Variants in MED12L observed in about 807,000 individuals in gnomAD.
MED12L encodes the protein mediator of RNA polymerase II transcription subunit 12-like protein.
MED12L carries 60 observed loss-of-function variants against 281.3 expected under a neutral mutation model. The ratio of observed to expected loss-of-function variants is 0.21; its 90% CI spans 0.17 to 0.26. The LOEUF is 0.26. MED12L is among the 10% of genes least tolerant of loss of function. MED12L has a pLI of 1.00. For missense variants in MED12L, 2,146 were observed against 2,680.9 expected (o/e 0.80, Z 4.41); for synonymous variants, 974 against 987.2 (o/e 0.99, Z 0.25).
At chr3:151,217,352 C>G (rs1489293992) in intron 16 of MED12L, among the ~76,000 whole-genome samples, 2 of 152,254 alleles carry the variant, frequency 1.3e-5, no homozygotes, top group Non-Finnish European at 2.9e-5. Context: ...TGCTGCAGGT[C>G]CAGAACTCTG....
chr3:151,114,062 C>T (rs906549908), intron 2 of MED12L, among the ~76,000 whole-genome samples: 10 of 152,158 alleles, frequency 6.6e-5, no homozygotes, highest in African/African-American at 2.4e-4. Flanking sequence ...TGCTGGTACT[C>T]CTACTTTCTT....
rs369709197 is a variant in MED12L, at chr3:151,376,675, CAT to C, written c.4054-121_4054-120del. The C allele has an allele frequency of 2.7e-3, 2,103 of 775,674 alleles. 6 individuals carry two copies. The highest frequency in any genetic ancestry group is 3.6e-3 in the Non-Finnish European group (1,699 of 474,062). The allele number at this position is 775,674 out of a possible 1,614,324, so 48.0% of individuals were successfully genotyped here. A position where few individuals can be genotyped will look rare whatever the true frequency, so the allele number is the denominator to read the frequency against. ...CAGCAAGATTGGGAACCTTTTGACTCATATAAATTATTTCATTGTGTATGATT... is the reference window on the plus strand; with the variant it reads ...CAGCAAGATTGGGAACCTTTTGACTCATAAATTATTTCATTGTGTATGATT... On this transcript the variant is annotated intron_variant, in intron 28 of 44. Coordinates refer to ENST00000687756, the MANE Select transcript of MED12L (RefSeq NM_001393769.1).
At chr3:151,166,008 T>C in intron 11 of MED12L, 26 bp downstream of exon 11, 3 of 1,574,110 alleles carry the variant, frequency 1.9e-6, no homozygotes, top group Middle Eastern at 3.4e-4. Context: ...TTAATTCTTT[T>C]CACCTTTTAT....
At chr3:151,371,597 G>C (rs1444892306) in intron 26 of MED12L, among the ~76,000 whole-genome samples, 1 of 152,146 alleles carries the variant, frequency 6.6e-6, no homozygotes. Flanking sequence ...TGGTTGACTT[G>C]TGGGTTTTAA....
intron 16 of MED12L, among the ~76,000 whole-genome samples, chr3:151,259,061 C>T (rs908148447): frequency 1.1e-4 from 17 of 152,092 alleles, no homozygotes; most frequent in African/African-American, 3.1e-4. Context: ...AATTTTTAAA[C>T]GCATTTGGGA....
At chr3:151,375,987 A>T in intron 27 of MED12L, 39 bp from the exon 28 acceptor site, 1 of 1,247,404 alleles carries the variant, frequency 8.0e-7, no homozygotes, top group African/African-American at 1.5e-5. Flanking sequence ...ATATACCGAA[A>T]GCCAGTGCCT....
At chr3:151,201,223 ACT>A (rs58729370) in intron 16 of MED12L, among the ~76,000 whole-genome samples, 14,876 of 146,662 alleles carry the variant, frequency 0.1, 1,004 homozygotes, top group African/African-American at 0.2. Context: ...ACGTGCACAC[ACT>A]CTCTCTCTCT....
intron 16 of MED12L, chr3:151,337,327 C>A: frequency 6.5e-6 from 1 of 154,716 alleles, no homozygotes; most frequent in Non-Finnish European, 1.4e-5. Flanking sequence ...TTTGTGTATC[C>A]CACTTACTTA....
intron 16 of MED12L, among the ~76,000 whole-genome samples, chr3:151,254,780 T>C (rs1284204768): frequency 6.6e-6 from 1 of 152,234 alleles, no homozygotes; most frequent in Non-Finnish European, 1.5e-5. Context: ...TGTGTTACAT[T>C]TCACCGGAGA....
rs202190979 is a variant in MED12L, at chr3:151,213,416, G to A, written c.2250+19750G>A. 5.0e-6 allele frequency: 8 copies of A among 1,614,032 alleles called. No individual in the cohort carries two copies. In the East Asian group the frequency reaches 1.6e-4, roughly 31 times the overall value. On this transcript the variant is annotated intron_variant, in intron 16 of 44. Coordinates refer to ENST00000687756, the MANE Select transcript of MED12L (RefSeq NM_001393769.1). ...TTCTTACATAAGATTTCCCTAAACGGCTGGCATAGAAAGAAATAAATAATA... is the reference window on the plus strand; with the variant it reads ...TTCTTACATAAGATTTCCCTAAACGACTGGCATAGAAAGAAATAAATAATA...
chr3:151,321,141 C>G (rs1303402317), intron 16 of MED12L, among the ~76,000 whole-genome samples: 1 of 152,134 alleles, frequency 6.6e-6, no homozygotes, highest in Non-Finnish European at 1.5e-5. Context: ...TAAGGTACAT[C>G]CATAATTTTG....
intron 16 of MED12L, among the ~76,000 whole-genome samples, chr3:151,292,288 C>CTTTTTTTTTT (rs35742538): frequency 1.5e-4 from 21 of 139,886 alleles, no homozygotes; most frequent in African/African-American, 4.4e-4. Flanking sequence ...AATATTGCTC[C>CTTTTTTTTTT]TTTTTTTTTT....
chr3:151,317,599 C>T (rs958868760), intron 16 of MED12L, among the ~76,000 whole-genome samples: 1 of 151,150 alleles, frequency 6.6e-6, no homozygotes, highest in Non-Finnish European at 1.5e-5. Context: ...TACAGGTGCC[C>T]ACGACTACAC....
intron 5 of MED12L, among the ~76,000 whole-genome samples, chr3:151,128,220 T>G (rs904157841): frequency 6.6e-6 from 1 of 152,164 alleles, no homozygotes; most frequent in Non-Finnish European, 1.5e-5. Flanking sequence ...CTGAACACTT[T>G]TCACCACCAC....
intron 16 of MED12L, among the ~76,000 whole-genome samples, chr3:151,335,044 C>T (rs558606011): frequency 5.9e-5 from 9 of 152,090 alleles, no homozygotes; most frequent in Admixed American, 3.3e-4. Context: ...AAGGGGTACA[C>T]GTGATATTTC....
chr3:151,222,483 A>G (rs1269246077), intron 16 of MED12L, among the ~76,000 whole-genome samples: 2 of 152,124 alleles, frequency 1.3e-5, no homozygotes, highest in African/African-American at 2.4e-5. Flanking sequence ...TTATGGGAGT[A>G]GATCTTTCTG....
At chr3:151,218,881 A>T (rs1406438333) in intron 16 of MED12L, among the ~76,000 whole-genome samples, 2 of 96,058 alleles carry the variant, frequency 2.1e-5, no homozygotes, top group African/African-American at 1.0e-4. Context: ...AAAAAAAAAA[A>T]AAAAAAAAAA....
intron 39 of MED12L, among the ~76,000 whole-genome samples, chr3:151,398,493 T>C (rs1715264907): frequency 1.3e-5 from 2 of 152,228 alleles, no homozygotes; most frequent in Admixed American, 6.5e-5. Context: ...GATTGTCTTA[T>C]ATTTCCTCAG....
intron 16 of MED12L, chr3:151,340,606 T>C (rs547261054): frequency 3.4e-4 from 52 of 152,718 alleles, no homozygotes; most frequent in African/African-American, 1.3e-3. Flanking sequence ...CTGATAACTG[T>C]TGATTCTGGA....
Sources: gnomAD v4.1 joint callset for allele counts (sites outside exome capture counted in the v4.1 genomes callset) on GRCh38, gnomAD v4.1.1 for gene constraint, MANE v1.5 for transcripts, NCBI Gene and HGNC (gene_info 2026-07-23, HGNC 2026-07-21) for gene names.